Variants in CNTNAP5 observed in about 807,000 individuals in gnomAD.
CNTNAP5 encodes contactin-associated protein-like 5.
Under a neutral mutation model 150.2 loss-of-function variants are expected in CNTNAP5, and 72 were observed. That is an observed-to-expected ratio of 0.48 (90% CI 0.40 to 0.58). The LOEUF (loss-of-function observed/expected upper bound fraction) is 0.58, where lower values mean the gene tolerates loss of function less well. Ranked by LOEUF, CNTNAP5 falls within the 20% of genes least tolerant of loss-of-function variation. CNTNAP5 has a pLI of 0.00. For synonymous variants in CNTNAP5, 672 were observed against 619.8 expected, an observed-to-expected ratio of 1.08 and a Z score of -1.25; for missense variants, 1,636 against 1,626.2, an observed-to-expected ratio of 1.01 and a Z score of -0.10.
intron 10 of CNTNAP5, among the ~76,000 whole-genome samples, chr2:124,550,103 A>G (rs931329546): frequency 2.6e-5 from 4 of 152,254 alleles, no homozygotes; most frequent in Non-Finnish European, 1.5e-5. Flanking sequence ...GGAGCTAAAG[A>G]CTAACATTGC....
intron 1 of CNTNAP5, among the ~76,000 whole-genome samples, chr2:124,126,234 A>G (rs1458432113): frequency 1.3e-5 from 2 of 152,218 alleles, no homozygotes; most frequent in Admixed American, 6.5e-5. Flanking sequence ...TAAAGGGGAT[A>G]TCACCACTGA....
chr2:124,442,798 G>A (rs531709747), intron 5 of CNTNAP5, among the ~76,000 whole-genome samples: 2 of 152,122 alleles, frequency 1.3e-5, no homozygotes, highest in East Asian at 3.9e-4. Context: ...TCGTATCACA[G>A]GCAAAATATA....
chr2:124,348,712 T>G (rs1016729473), intron 3 of CNTNAP5, among the ~76,000 whole-genome samples: 3 of 152,306 alleles, frequency 2.0e-5, no homozygotes, highest in East Asian at 1.9e-4. Flanking sequence ...CTATTTTTCA[T>G]TTTGGACATA....
intron 3 of CNTNAP5, among the ~76,000 whole-genome samples, chr2:124,258,868 T>A (rs1418466944): frequency 1.3e-5 from 2 of 152,010 alleles, no homozygotes; most frequent in African/African-American, 4.8e-5. Flanking sequence ...TAATACTTTT[T>A]TTTTTTACTT....
intron 12 of CNTNAP5, among the ~76,000 whole-genome samples, chr2:124,617,104 A>G (rs1010391865): frequency 6.6e-6 from 1 of 152,048 alleles, no homozygotes; most frequent in Non-Finnish European, 1.5e-5. Flanking sequence ...TAATAATAAT[A>G]TACATAAATT....
chr2:124,405,207 CATTA>C (rs1451158632), intron 3 of CNTNAP5, among the ~76,000 whole-genome samples: 2 of 152,064 alleles, frequency 1.3e-5, no homozygotes. Context: ...GGCGAGACTA[CATTA>C]ATGAGCCACA....
At chr2:124,415,386 A>G (rs1407423773) in intron 3 of CNTNAP5, among the ~76,000 whole-genome samples, 1 of 152,206 alleles carries the variant, frequency 6.6e-6, no homozygotes, top group African/African-American at 2.4e-5. Context: ...CAATCGCCTA[A>G]TTTCAGAGCT....
intron 8 of CNTNAP5, among the ~76,000 whole-genome samples, chr2:124,518,796 G>A (rs191757233): frequency 6.6e-6 from 1 of 151,946 alleles, no homozygotes; most frequent in African/African-American, 2.4e-5. Context: ...AGACCAGCCT[G>A]GCCAACGTTA....
At chr2:124,839,167 A>G (rs1682891127) in intron 19 of CNTNAP5, among the ~76,000 whole-genome samples, 1 of 151,988 alleles carries the variant, frequency 6.6e-6, no homozygotes, top group Non-Finnish European at 1.5e-5. Flanking sequence ...AGTAGAGTGT[A>G]TGGTTTGTGC....
intron 4 of CNTNAP5, among the ~76,000 whole-genome samples, chr2:124,430,041 C>T (rs545745839): frequency 2.8e-4 from 43 of 152,208 alleles, no homozygotes; most frequent in African/African-American, 1.0e-3. Flanking sequence ...GGACTATAAA[C>T]CACTGAGAAA....
chr2:124,189,191 G>T (rs987625290), intron 1 of CNTNAP5, among the ~76,000 whole-genome samples: 1 of 152,076 alleles, frequency 6.6e-6, no homozygotes, highest in Non-Finnish European at 1.5e-5. Flanking sequence ...TGGAGATACA[G>T]CAGTAAACAA....
At chr2:124,034,387 C>A (rs1384405879) in intron 1 of CNTNAP5, among the ~76,000 whole-genome samples, 1 of 152,144 alleles carries the variant, frequency 6.6e-6, no homozygotes, top group African/African-American at 2.4e-5. Context: ...GGCCCACTTC[C>A]CCTTCATCTG....
At chr2:124,710,495 T>C (rs1052524883) in intron 13 of CNTNAP5, among the ~76,000 whole-genome samples, 2 of 152,150 alleles carry the variant, frequency 1.3e-5, no homozygotes, top group African/African-American at 4.8e-5. Flanking sequence ...GTCTTCTCAG[T>C]TCAACAAGAG....
At chr2:124,653,503 C>G (rs7586683) in intron 13 of CNTNAP5, among the ~76,000 whole-genome samples, 83,759 of 151,508 alleles carry the variant, frequency 0.55, 23,722 homozygotes, top group Non-Finnish European at 0.62. Context: ...GTCCATAATG[C>G]TATATACATT....
intron 10 of CNTNAP5, among the ~76,000 whole-genome samples, chr2:124,556,338 C>CA (rs1404780179): frequency 6.6e-6 from 1 of 151,902 alleles, no homozygotes; most frequent in Non-Finnish European, 1.5e-5. Context: ...GAGCACATGT[C>CA]AAAGTTTTTT....
chr2:124,755,356 G>A (rs926917671), intron 14 of CNTNAP5, among the ~76,000 whole-genome samples: 2 of 152,008 alleles, frequency 1.3e-5, no homozygotes, highest in African/African-American at 2.4e-5. Flanking sequence ...GTCATTATAG[G>A]GATTATTATT....
chr2:124,560,884 A>G (rs1467244627), intron 10 of CNTNAP5, among the ~76,000 whole-genome samples: 1 of 151,962 alleles, frequency 6.6e-6, no homozygotes, highest in Non-Finnish European at 1.5e-5. Flanking sequence ...TCAAAACTTG[A>G]CCACTGAGAA....
At chr2:124,568,554 C>T (rs771335397) in intron 11 of CNTNAP5, among the ~76,000 whole-genome samples, 67 of 152,198 alleles carry the variant, frequency 4.4e-4, no homozygotes, top group Non-Finnish European at 8.4e-4. Flanking sequence ...GCTACTGCAA[C>T]ACCTCTAAAT....
rs182865882 is a variant in CNTNAP5, at chr2:124,903,382, A to G, written c.3655+282A>G. The stretch of plus-strand genomic sequence containing the variant: ...TGTGTATGTGTGTGTGTGTGTTTGT[A>G]TACATAGTCACTACTGTTGAAGTGG... On this transcript the variant is annotated intron_variant, in intron 22 of 23. Coordinates refer to ENST00000682447, the MANE Select transcript of CNTNAP5 (RefSeq NM_001367498.1). Among the ~76,000 whole-genome samples, 367 of 152,236 alleles carry G rather than the reference A, an allele frequency of 2.4e-3. 2 individuals carry two copies. Among genetic ancestry groups the G allele is most frequent in the Non-Finnish European group, 4.0e-3 (272 of 68,000 alleles).
Sources: gnomAD v4.1 joint callset for allele counts (sites outside exome capture counted in the v4.1 genomes callset) on GRCh38, gnomAD v4.1.1 for gene constraint, MANE v1.5 for transcripts, NCBI Gene and HGNC (gene_info 2026-07-23, HGNC 2026-07-21) for gene names.